COL13A1: variants seen among roughly 807,000 people sequenced by gnomAD.
COL13A1 encodes the protein collagen alpha-1(XIII) chain.
In COL13A1, 89 loss-of-function variants were observed where a neutral mutation model predicts 130.9. The observed-to-expected ratio is 0.68, with a 90% CI of 0.57 to 0.81. The LOEUF (loss-of-function observed/expected upper bound fraction) is 0.81. Among genes scored for constraint, COL13A1 ranks in the 30% least tolerant of loss-of-function variants. The probability of loss-of-function intolerance (pLI) is 0.00; values close to 1 mark genes in which losing one functional copy is unlikely to be tolerated. For synonymous variants in COL13A1, 402 were observed against 341.6 expected, an observed-to-expected ratio of 1.18 and a Z score of -1.95; for missense variants, 879 against 934.6, an observed-to-expected ratio of 0.94 and a Z score of 0.78.
intron 4 of COL13A1, among the ~76,000 whole-genome samples, chr10:69,873,037 C>T (rs1341963131): frequency 3.9e-5 from 6 of 152,018 alleles, no homozygotes; most frequent in Admixed American, 3.3e-4. Flanking sequence ...GTATGTGTAC[C>T]GGGTATGTGT....
At chr10:69,808,401 G>A (rs1842126736) in intron 1 of COL13A1, among the ~76,000 whole-genome samples, 1 of 152,200 alleles carries the variant, frequency 6.6e-6, no homozygotes, top group Non-Finnish European at 1.5e-5. Context: ...GGTTGTGCCA[G>A]ACATTTAGCT....
intron 40 of COL13A1, 70 bp downstream of exon 40, chr10:69,957,112 T>G (rs150607944): frequency 2.0e-4 from 269 of 1,371,970 alleles, no homozygotes; most frequent in African/African-American, 1.8e-3. Flanking sequence ...ACAATTTCCA[T>G]TCTGCCTTGC....
At chr10:69,893,821 C>T (rs541983938) in intron 10 of COL13A1, among the ~76,000 whole-genome samples, 1 of 152,314 alleles carries the variant, frequency 6.6e-6, no homozygotes, top group East Asian at 1.9e-4. Context: ...AGACACATAC[C>T]TGAAGAGCCA....
At chr10:69,834,733 G>T (rs930479165) in intron 2 of COL13A1, among the ~76,000 whole-genome samples, 1 of 152,182 alleles carries the variant, frequency 6.6e-6, no homozygotes, top group Non-Finnish European at 1.5e-5. Context: ...GAGCAGAAGG[G>T]GGGTAGGTTG....
At chr10:69,865,374 C>T (rs1349591625) in intron 2 of COL13A1, among the ~76,000 whole-genome samples, 3 of 152,216 alleles carry the variant, frequency 2.0e-5, no homozygotes, top group Non-Finnish European at 2.9e-5. Context: ...AGGCATTGAA[C>T]ACAGCATCAG....
At chr10:69,844,263 G>A (rs546276368) in intron 2 of COL13A1, among the ~76,000 whole-genome samples, 1 of 152,256 alleles carries the variant, frequency 6.6e-6, no homozygotes, top group African/African-American at 2.4e-5. Flanking sequence ...GGGAGGATGG[G>A]CCATAGGCAC....
chr10:69,815,865 G>A (rs1188693152), intron 1 of COL13A1, among the ~76,000 whole-genome samples: 1 of 147,054 alleles, frequency 6.8e-6, no homozygotes, highest in Non-Finnish European at 1.5e-5. Context: ...GCTACAAAGA[G>A]ACAATAAGTA....
At chr10:69,936,402 C>G (rs1230013501) in intron 32 of COL13A1, among the ~76,000 whole-genome samples, 1 of 152,168 alleles carries the variant, frequency 6.6e-6, no homozygotes, top group Non-Finnish European at 1.5e-5. Context: ...TGATAGGAGC[C>G]AGCGTTTATT....
chr10:69,909,808 G>A (rs1179974552), intron 17 of COL13A1, among the ~76,000 whole-genome samples: 1 of 152,232 alleles, frequency 6.6e-6, no homozygotes, highest in Admixed American at 6.5e-5. Flanking sequence ...TCTTTGGGCA[G>A]TGCAGCAATA....
At chr10:69,936,843 C>T in intron 33 of COL13A1, 61 bp downstream of exon 33, 1 of 1,601,766 alleles carries the variant, frequency 6.2e-7, no homozygotes, top group South Asian at 1.1e-5. Context: ...GGAAAGTGCA[C>T]CTGAGACCAG....
intron 3 of COL13A1, 70 bp downstream of exon 3, chr10:69,867,875 G>T (rs1589174440): frequency 1.4e-6 from 1 of 716,614 alleles, no homozygotes; most frequent in East Asian, 2.7e-5. Flanking sequence ...GGGGTTCTGG[G>T]TGGGGGCACT....
chr10:69,857,212 G>C (rs1856682710), intron 2 of COL13A1, among the ~76,000 whole-genome samples: 1 of 152,188 alleles, frequency 6.6e-6, no homozygotes, highest in Admixed American at 6.5e-5. Context: ...GAAGCGACAG[G>C]GGCCCACGGA....
chr10:69,910,186 C>G (rs1429832736), intron 17 of COL13A1, among the ~76,000 whole-genome samples: 2 of 152,050 alleles, frequency 1.3e-5, no homozygotes, highest in East Asian at 1.9e-4. Context: ...ATGCTCTGCT[C>G]TCTGCTTGGA....
intron 7 of COL13A1, among the ~76,000 whole-genome samples, chr10:69,885,273 A>G (rs2060496979): frequency 6.6e-6 from 1 of 152,250 alleles, no homozygotes; most frequent in South Asian, 2.1e-4. Flanking sequence ...AATCATGACA[A>G]ATATGACTAT....
chr10:69,931,175 A>G (rs571210062), intron 30 of COL13A1: 86 of 456,128 alleles, frequency 1.9e-4, no homozygotes, highest in Non-Finnish European at 3.5e-4. Flanking sequence ...AGATGGCCCA[A>G]CTGGGGAGAG....
chr10:69,878,128 G>T, intron 6 of COL13A1, 63 bp downstream of exon 6: 1 of 700,906 alleles, frequency 1.4e-6, no homozygotes, highest in Non-Finnish European at 2.6e-6. Context: ...GACTCTTGAT[G>T]GGAGGCTCTC....
intron 1 of COL13A1, among the ~76,000 whole-genome samples, chr10:69,807,665 G>A (rs1589134718): frequency 6.6e-6 from 1 of 152,298 alleles, no homozygotes; most frequent in Non-Finnish European, 1.5e-5. Flanking sequence ...TGGGTAACCT[G>A]TGCACAGTGT....
intron 2 of COL13A1, chr10:69,824,106 T>G: frequency 2.1e-6 from 1 of 472,318 alleles, no homozygotes; most frequent in South Asian, 1.5e-5. Flanking sequence ...CTTATGACCT[T>G]CAGAGAGTTA....
In COL13A1 at chr10:69,837,219, G is replaced by T. The variant is rs1287266077; in HGVS notation, c.364+14781G>T. Among the ~76,000 whole-genome samples the T allele has an allele frequency of 2.6e-5, 4 of 152,198 alleles. No individual in the cohort carries two copies. In the East Asian group the frequency reaches 5.8e-4, roughly 22 times the overall value. ...GGTGTTCGGGAATCTGGACAATGAG[G>T]CCCCATCAGCATCCCATGGGGGACC... On this transcript the variant is annotated intron_variant, in intron 2 of 40. Coordinates refer to ENST00000645393, the MANE Select transcript of COL13A1 (RefSeq NM_001368882.1).
Sources: gnomAD v4.1 joint callset for allele counts (sites outside exome capture counted in the v4.1 genomes callset) on GRCh38, gnomAD v4.1.1 for gene constraint, MANE v1.5 for transcripts, NCBI Gene and HGNC (gene_info 2026-07-23, HGNC 2026-07-21) for gene names.